CA10: variants seen among roughly 807,000 people sequenced by gnomAD.
CA10 encodes the protein carbonic anhydrase 10 (inactive).
CA10 carries 14 observed loss-of-function variants against 44.2 expected under a neutral mutation model. That is an observed-to-expected ratio of 0.32 (90% CI 0.21 to 0.50). The LOEUF (loss-of-function observed/expected upper bound fraction) is 0.50, where lower values mean the gene tolerates loss of function less well. Among genes scored for constraint, CA10 ranks in the 20% least tolerant of loss-of-function variants. CA10 has a pLI of 0.99. For missense variants in CA10, 350 were observed against 409.7 expected (o/e 0.85, Z 1.26); for synonymous variants, 159 against 141.6 (o/e 1.12, Z -0.87).
At chr17:52,104,286 C>CTCCCGG (rs1364818058) in intron 1 of CA10, among the ~76,000 whole-genome samples, 1 of 151,952 alleles carries the variant, frequency 6.6e-6, no homozygotes, top group African/African-American at 2.4e-5. Context: ...CAACCTTGGC[C>CTCCCGG]TCCCGGGTTC....
rs1190565533 is a variant in CA10 at position 51,888,800 on chromosome 17, A to C, written c.279+42190T>G. The stretch of plus-strand genomic sequence containing the variant: ...TGCTGTTCCCATTACCTATTGCTAC[A>C]TAATAAATCATCTTCAAAATTCAGT... On this transcript the variant is annotated intron_variant, in intron 3 of 8. Transcript: ENST00000451037. Among the ~76,000 whole-genome samples, 3 of 152,228 alleles carry C rather than the reference A, an allele frequency of 2.0e-5. No individual in the cohort carries two copies. The East Asian group carries it at 5.8e-4, about 29-fold the overall frequency.
chr17:52,012,314 A>AGC (rs1462840481), intron 2 of CA10, among the ~76,000 whole-genome samples: 3 of 152,032 alleles, frequency 2.0e-5, no homozygotes, highest in African/African-American at 7.2e-5. Flanking sequence ...TGAGTCACTT[A>AGC]ACAATGGCCA....
At chr17:51,927,230 C>T (rs1000069739) in intron 3 of CA10, among the ~76,000 whole-genome samples, 2 of 152,050 alleles carry the variant, frequency 1.3e-5, no homozygotes, top group African/African-American at 2.4e-5. Flanking sequence ...TATGACAGAT[C>T]CTACTTTTTA....
chr17:52,158,104 G>A lies in CA10; in HGVS notation c.-318C>T. On this transcript the variant is annotated 5_prime_UTR_variant, in exon 1 of 9. Coordinates refer to ENST00000451037, the MANE Select transcript of CA10 (RefSeq NM_020178.5). ...CAGCGGCGGAAACCGCACTAGCAGC[G>A]GCGGCGGCGGCGGCGGCGGCAGCAG... 21 of 390,100 alleles carry A rather than the reference G, an allele frequency of 5.4e-5. No individual in the cohort carries two copies. Among genetic ancestry groups the A allele is most frequent in the Admixed American group, 1.2e-4 (3 of 25,228 alleles). The allele number at this position is 390,100 out of a possible 1,614,324, so 24.2% of individuals were successfully genotyped here.
intron 4 of CA10, chr17:51,661,660 G>C (rs1567793416): frequency 6.6e-6 from 1 of 152,182 alleles, no homozygotes; most frequent in Admixed American, 6.5e-5. Flanking sequence ...CAGAAATAGG[G>C]GTTAGGTATG....
At chr17:52,130,695 C>A (rs1358763645) in intron 1 of CA10, among the ~76,000 whole-genome samples, 2 of 151,854 alleles carry the variant, frequency 1.3e-5, no homozygotes, top group African/African-American at 4.8e-5. Context: ...GTCTTTTTTT[C>A]TTCTTTCTTT....
chr17:51,864,128 T>C (rs1365439529), intron 3 of CA10, among the ~76,000 whole-genome samples: 2 of 152,170 alleles, frequency 1.3e-5, no homozygotes, highest in Admixed American at 6.5e-5. Flanking sequence ...AGTCACCTCA[T>C]TAGCAAAAAC....
intron 2 of CA10, among the ~76,000 whole-genome samples, chr17:51,962,412 C>T (rs986219370): frequency 2.0e-5 from 3 of 152,246 alleles, no homozygotes; most frequent in East Asian, 1.9e-4. Flanking sequence ...TGACCTCACC[C>T]ATCTGGGTCC....
At position 51,808,962 on chromosome 17, in the gene CA10, T is replaced by A. The variant is rs377225510; in HGVS notation, c.280-61144A>T. Among the ~76,000 whole-genome samples the A allele has an allele frequency of 1.3e-3, 201 of 152,306 alleles. 10 individuals are homozygous for A. In the South Asian group the frequency reaches 0.039, roughly 29 times the overall value. ...ATATCTTTAAGGCTTCCTTTCTAAA[T>A]GTATTCTGTTTTTCAAAGCTATTGA... On this transcript the variant is annotated intron_variant, in intron 3 of 8. Transcript: ENST00000451037.
intron 4 of CA10, among the ~76,000 whole-genome samples, chr17:51,726,972 C>T (rs1254120458): frequency 6.6e-6 from 1 of 152,180 alleles, no homozygotes; most frequent in Non-Finnish European, 1.5e-5. Flanking sequence ...CAGCTGCTTC[C>T]CTGTTTGTTG....
intron 3 of CA10, among the ~76,000 whole-genome samples, chr17:51,886,461 G>A (rs148236268): frequency 7.2e-5 from 11 of 152,274 alleles, no homozygotes; most frequent in African/African-American, 2.2e-4. Flanking sequence ...GATCTTTGCA[G>A]TAGTGTACTA....
At chr17:51,757,287 A>T (rs968404153) in intron 3 of CA10, among the ~76,000 whole-genome samples, 1 of 152,204 alleles carries the variant, frequency 6.6e-6, no homozygotes. Flanking sequence ...AAGAAAAAAA[A>T]ATTAGTACCA....
intron 4 of CA10, among the ~76,000 whole-genome samples, chr17:51,674,663 C>T (rs1436300822): frequency 6.6e-6 from 1 of 152,202 alleles, no homozygotes; most frequent in African/African-American, 2.4e-5. Context: ...GCTTTTCTCA[C>T]CGCAGTGGTG....
intron 4 of CA10, among the ~76,000 whole-genome samples, chr17:51,699,127 C>G (rs9910211): frequency 0.076 from 11,520 of 151,998 alleles, 1,478 homozygotes; most frequent in African/African-American, 0.26. Flanking sequence ...TTGAGACCAG[C>G]CTGGGCAACA....
intron 4 of CA10, among the ~76,000 whole-genome samples, chr17:51,690,584 T>A (rs927192043): frequency 1.3e-5 from 2 of 152,164 alleles, no homozygotes; most frequent in African/African-American, 4.8e-5. Context: ...GTTCTTGTGA[T>A]AGTGAATAAG....
chr17:52,032,845 T>C (rs1351668439), intron 2 of CA10, among the ~76,000 whole-genome samples: 2 of 152,128 alleles, frequency 1.3e-5, no homozygotes, highest in Non-Finnish European at 1.5e-5. Context: ...AGGGTCAGCA[T>C]TGATTCATTA....
intron 3 of CA10, among the ~76,000 whole-genome samples, chr17:51,757,454 T>C (rs2693521): frequency 0.42 from 63,115 of 152,040 alleles, 13,869 homozygotes; most frequent in Middle Eastern, 0.54. Context: ...TTGAGTGAGT[T>C]GTCCAGGATT....
At chr17:52,011,079 G>A (rs1985779668) in intron 2 of CA10, among the ~76,000 whole-genome samples, 2 of 151,826 alleles carry the variant, frequency 1.3e-5, no homozygotes, top group African/African-American at 4.8e-5. Context: ...GCCCTTCTGA[G>A]CCTTACTTTC....
intron 3 of CA10, among the ~76,000 whole-genome samples, chr17:51,929,854 T>C (rs932454172): frequency 2.0e-5 from 3 of 152,120 alleles, no homozygotes; most frequent in Admixed American, 2.0e-4. Flanking sequence ...ATATGACCTT[T>C]CCACAAAAAT....
Sources: gnomAD v4.1 joint callset for allele counts (sites outside exome capture counted in the v4.1 genomes callset) on GRCh38, gnomAD v4.1.1 for gene constraint, MANE v1.5 for transcripts, NCBI Gene and HGNC (gene_info 2026-07-23, HGNC 2026-07-21) for gene names.